The following ITGA4 variants were observed in gnomAD, a reference collection of about 807,000 sequenced individuals.
ITGA4 encodes the protein integrin subunit alpha 4, also known as integrin alpha-4.
A neutral mutation model predicts 133.6 loss-of-function variants in ITGA4; 63 were observed. The observed-to-expected ratio is 0.47, with a 90% CI of 0.38 to 0.58. The LOEUF is 0.58. Among genes scored for constraint, ITGA4 ranks in the 20% least tolerant of loss-of-function variants. The pLI is 0.00. For synonymous variants in ITGA4, 483 were observed against 438.0 expected (o/e 1.10, Z -1.28); for missense variants, 1,076 against 1,252.7 (o/e 0.86, Z 2.13).
intron 2 of ITGA4, among the ~76,000 whole-genome samples, chr2:181,472,211 C>G (rs1346647966): frequency 2.0e-5 from 3 of 152,198 alleles, no homozygotes; most frequent in Non-Finnish European, 4.4e-5. Flanking sequence ...AAGAGTTTGT[C>G]TAGTCTTCAC....
chr2:181,510,914 CA>C, intron 16 of ITGA4, among the ~76,000 whole-genome samples: 1 of 139,140 alleles, frequency 7.2e-6, no homozygotes, highest in African/African-American at 2.5e-5. Flanking sequence ...ATAGAAATGG[CA>C]GAAAAAAAAA....
intron 14 of ITGA4, 114 bp from the exon 15 acceptor site, chr2:181,498,509 G>T (rs1686203369): frequency 1.9e-6 from 1 of 528,070 alleles, no homozygotes. Context: ...TTAATAAAGA[G>T]AATTCCAGAT....
rs777350969 is a variant in ITGA4 at position 181,457,688 on chromosome 2, C to A, written c.34C>A (p.Arg12=). The change falls in exon 1 of 28, where the codon CGA becomes AGA. Residue 12 remains arginine, a synonymous_variant. Transcript: ENST00000397033. ...AWEARREPGP[R]RAAVRETVML... ...GGAAGCGAGGCGCGAACCCGGCCCC[C>A]GAAGGGCCGCCGTCCGGGAGACGGT... is the stretch of plus-strand genomic sequence containing the variant. 3 of 1,611,442 alleles carry A rather than the reference C, an allele frequency of 1.9e-6. No individual in the cohort carries two copies. Among genetic ancestry groups the A allele is most frequent in the Admixed American group, 1.7e-5 (1 of 59,864 alleles).
chr2:181,482,253 C>A, intron 7 of ITGA4, 107 bp from the exon 8 acceptor site: 2 of 1,098,076 alleles, frequency 1.8e-6, no homozygotes. Context: ...TATATTTGAG[C>A]AATTAACTGC....
chr2:181,473,729 AG>A (rs1329719998), intron 2 of ITGA4, among the ~76,000 whole-genome samples: 1 of 152,192 alleles, frequency 6.6e-6, no homozygotes, highest in Non-Finnish European at 1.5e-5. Flanking sequence ...GCACTTTAGG[AG>A]GTCAAAGCAA....
intron 15 of ITGA4, among the ~76,000 whole-genome samples, chr2:181,502,360 T>G (rs1686293649): frequency 6.6e-6 from 1 of 152,076 alleles, no homozygotes; most frequent in Admixed American, 6.6e-5. Flanking sequence ...TTTTTTGGGG[T>G]TTTGTCTTTT....
Position 181,529,718 on chromosome 2 carries a change from C to T in ITGA4, c.2538+70C>T, listed in dbSNP as rs181867994. ...ATACTAAAATAAATGCAAACCAATCCTTTATTCGAGTAATGATGTGAAAAT... is the reference window on the plus strand; with the variant it reads ...ATACTAAAATAAATGCAAACCAATCTTTTATTCGAGTAATGATGTGAAAAT... On this transcript the variant is annotated intron_variant, in intron 23 of 27. Transcript: ENST00000397033. The T allele has an allele frequency of 6.2e-5, 49 of 793,390 alleles. No individual in the cohort carries two copies. In the African/African-American group the frequency reaches 8.0e-4, roughly 13 times the overall value. 49.1% of individuals were successfully genotyped at this position (793,390 alleles called of 1,614,324 possible). A position where few individuals can be genotyped will look rare whatever the true frequency, so the allele number is the denominator to read the frequency against.
intron 10 of ITGA4, among the ~76,000 whole-genome samples, chr2:181,489,987 C>G (rs984089625): frequency 1.3e-5 from 2 of 152,122 alleles, no homozygotes; most frequent in Non-Finnish European, 2.9e-5. Context: ...GGGCTCACAA[C>G]TCTAAGGGGG....
intron 23 of ITGA4, among the ~76,000 whole-genome samples, 178 bp from the exon 24 acceptor site, chr2:181,530,346 G>A (rs959145552): frequency 1.3e-5 from 2 of 152,120 alleles, no homozygotes; most frequent in Admixed American, 1.3e-4. Flanking sequence ...CTGGGTTTTT[G>A]TGTTTCTGCC....
intron 17 of ITGA4, among the ~76,000 whole-genome samples, chr2:181,513,614 G>C (rs1040038845): frequency 1.3e-5 from 2 of 151,980 alleles, no homozygotes; most frequent in Non-Finnish European, 2.9e-5. Flanking sequence ...ACATACACAT[G>C]TGATAACAGT....
intron 2 of ITGA4, among the ~76,000 whole-genome samples, chr2:181,462,955 T>C (rs567909546): frequency 6.6e-6 from 1 of 152,312 alleles, no homozygotes; most frequent in Admixed American, 6.5e-5. Context: ...AAAAGAAACA[T>C]ACTCCTTGTC....
chr2:181,470,033 G>A (rs1685510595), intron 2 of ITGA4, among the ~76,000 whole-genome samples: 1 of 151,880 alleles, frequency 6.6e-6, no homozygotes, highest in Non-Finnish European at 1.5e-5. Flanking sequence ...CCTGCATGTT[G>A]TGCACATGTA....
At chr2:181,533,471 GAT>G (rs1686987696) in intron 25 of ITGA4, among the ~76,000 whole-genome samples, 1 of 152,148 alleles carries the variant, frequency 6.6e-6, no homozygotes, top group African/African-American at 2.4e-5. Context: ...TTTTGAACCA[GAT>G]AATTTTGTTT....
intron 27 of ITGA4, 83 bp from the exon 28 acceptor site, chr2:181,535,349 A>C: frequency 9.4e-7 from 1 of 1,061,258 alleles, no homozygotes; most frequent in Middle Eastern, 3.0e-4. Flanking sequence ...ATTGGTGTTA[A>C]CTGCTTAGAT....
chr2:181,485,444 C>G (rs1187558713), intron 9 of ITGA4, among the ~76,000 whole-genome samples: 1 of 150,920 alleles, frequency 6.6e-6, no homozygotes, highest in African/African-American at 2.4e-5. Flanking sequence ...GCAGTTTCTA[C>G]TTCTCAGTCA....
chr2:181,477,924 C>T (rs1347249110), intron 4 of ITGA4, among the ~76,000 whole-genome samples: 1 of 152,016 alleles, frequency 6.6e-6, no homozygotes, highest in Non-Finnish European at 1.5e-5. Context: ...TCACAATAGC[C>T]AAGTTACAGA....
At chr2:181,506,481 C>T (rs549784587) in intron 15 of ITGA4, among the ~76,000 whole-genome samples, 1 of 151,922 alleles carries the variant, frequency 6.6e-6, no homozygotes, top group South Asian at 2.1e-4. Flanking sequence ...AGTGGTGGAC[C>T]CCAGATTTGA....
Position 181,538,892 on chromosome 2 carries a change from G to A in ITGA4, c.*3365G>A, listed in dbSNP as rs1258334296. Among the ~76,000 whole-genome samples the A allele has an allele frequency of 6.6e-6, 1 of 152,106 alleles. No homozygotes were observed. Among genetic ancestry groups the A allele is most frequent in the Non-Finnish European group, 1.5e-5 (1 of 67,996 alleles). On this transcript the variant is annotated 3_prime_UTR_variant, in exon 28 of 28. Transcript: ENST00000397033. Reference sequence around the variant, plus strand: ...CGCATAACCAAAGAAAATGCCTTGGGTCTACATAACAGTTGAATAAATGTA... The same window carrying A: ...CGCATAACCAAAGAAAATGCCTTGGATCTACATAACAGTTGAATAAATGTA...
At position 181,535,978 on chromosome 2, in the gene ITGA4, T is replaced by C. The variant is rs1308741039; in HGVS notation, c.*451T>C. On this transcript the variant is annotated 3_prime_UTR_variant, in exon 28 of 28. Transcript: ENST00000397033. Reference sequence around the variant, plus strand: ...TTGTTCAAAATATGTTCTTTAAAAATATAATTTTTTAGAGAGCTGTTCCCA... The same window carrying C: ...TTGTTCAAAATATGTTCTTTAAAAACATAATTTTTTAGAGAGCTGTTCCCA... 1 of 152,234 alleles carries C rather than the reference T, an allele frequency of 6.6e-6. No homozygotes were observed. Among genetic ancestry groups the C allele is most frequent in the Non-Finnish European group, 1.5e-5 (1 of 68,096 alleles). 9.4% of individuals were successfully genotyped at this position (152,234 alleles called of 1,614,324 possible).
Sources: gnomAD v4.1 joint callset for allele counts (sites outside exome capture counted in the v4.1 genomes callset) on GRCh38, gnomAD v4.1.1 for gene constraint, MANE v1.5 for transcripts, NCBI Gene and HGNC (gene_info 2026-07-23, HGNC 2026-07-21) for gene names.